SPOCK3: variants seen among roughly 807,000 people sequenced by gnomAD.
SPOCK3 encodes the protein SPARC (osteonectin), cwcv and kazal like domains proteoglycan 3.
Under a neutral mutation model 56.6 loss-of-function variants are expected in SPOCK3, and 30 were observed. The ratio of observed to expected loss-of-function variants is 0.53; its 90% CI spans 0.40 to 0.72. The LOEUF is 0.72. SPOCK3 is among the 30% of genes least tolerant of loss of function. The pLI, the probability that SPOCK3 is intolerant of heterozygous loss-of-function variation, is 0.00. For missense variants in SPOCK3, 527 were observed against 530.0 expected (o/e 0.99, Z 0.06); for synonymous variants, 196 against 183.3 (o/e 1.07, Z -0.56).
At chr4:166,899,610 G>A (rs1006070239) in intron 5 of SPOCK3, among the ~76,000 whole-genome samples, 4 of 147,670 alleles carry the variant, frequency 2.7e-5, no homozygotes, top group African/African-American at 7.5e-5. Context: ...AGGTTAAAGC[G>A]ATTCTCCTGC....
chr4:166,889,247 G>A lies in SPOCK3; in HGVS notation c.475-3C>T. On this transcript the variant is annotated splice_polypyrimidine_tract_variant and splice_region_variant and intron_variant, in intron 5 of 10. Transcript: ENST00000357545. Reference sequence around the variant, plus strand: ...CATGCCTGATATTCTAGTTTGCACTGTATAAAAAGAGAAAAAAAAAGTAAT... The same window carrying A: ...CATGCCTGATATTCTAGTTTGCACTATATAAAAAGAGAAAAAAAAAGTAAT... The A allele has an allele frequency of 6.4e-7, 1 of 1,554,556 alleles. No individual in the cohort carries two copies. Among genetic ancestry groups the A allele is most frequent in the Non-Finnish European group, 8.8e-7 (1 of 1,136,094 alleles).
chr4:166,793,902 G>T (rs1453811283), intron 6 of SPOCK3, among the ~76,000 whole-genome samples: 1 of 152,078 alleles, frequency 6.6e-6, no homozygotes, highest in African/African-American at 2.4e-5. Flanking sequence ...TCCCCAGGAT[G>T]CTAGTACAAT....
intron 2 of SPOCK3, among the ~76,000 whole-genome samples, chr4:167,216,744 TTC>T (rs1422768952): frequency 3.3e-5 from 5 of 152,258 alleles, no homozygotes; most frequent in African/African-American, 1.2e-4. Flanking sequence ...GAACTGTGAA[TTC>T]TCTGAATATT....
chr4:167,065,057 A>AAAAAAAAAAAAAAAAAAAAAAC (rs1755992016), intron 2 of SPOCK3, among the ~76,000 whole-genome samples: 1 of 141,580 alleles, frequency 7.1e-6, no homozygotes, highest in Admixed American at 7.2e-5. Context: ...AAAAAAAAAA[A>AAAAAAAAAAAAAAAAAAAAAAC]AAAGTCAAAC....
intron 7 of SPOCK3, among the ~76,000 whole-genome samples, chr4:166,774,759 A>G (rs1002328518): frequency 6.6e-6 from 1 of 152,142 alleles, no homozygotes; most frequent in African/African-American, 2.4e-5. Context: ...GTTCTGTTGA[A>G]ATCCCTCTCA....
chr4:167,046,450 C>CTTTTTTTTTT (rs67108499), intron 3 of SPOCK3, among the ~76,000 whole-genome samples: 5 of 53,704 alleles, frequency 9.3e-5, no homozygotes, highest in East Asian at 5.4e-4. Context: ...TTCTGATATT[C>CTTTTTTTTTT]TTTTTTTTTT....
chr4:167,135,101 T>C (rs1410191691), intron 2 of SPOCK3, among the ~76,000 whole-genome samples: 3 of 149,908 alleles, frequency 2.0e-5, no homozygotes, highest in Admixed American at 6.7e-5. Flanking sequence ...ATGTGTTTAA[T>C]ATATTAAATA....
intron 6 of SPOCK3, among the ~76,000 whole-genome samples, chr4:166,820,376 T>C (rs899496518): frequency 1.3e-5 from 2 of 152,002 alleles, no homozygotes; most frequent in African/African-American, 4.8e-5. Context: ...ACTGGTATAG[T>C]ACAACAGTAG....
intron 6 of SPOCK3, among the ~76,000 whole-genome samples, chr4:166,886,083 C>A (rs1734171318): frequency 6.6e-6 from 1 of 151,926 alleles, no homozygotes; most frequent in South Asian, 2.1e-4. Flanking sequence ...CTTTCTAATT[C>A]TTAGGATTGC....
At chr4:166,887,981 G>A (rs1165638316) in intron 6 of SPOCK3, among the ~76,000 whole-genome samples, 3 of 151,724 alleles carry the variant, frequency 2.0e-5, no homozygotes, top group Admixed American at 6.6e-5. Flanking sequence ...TTTTCAAATC[G>A]GCTAATTTAT....
intron 3 of SPOCK3, among the ~76,000 whole-genome samples, chr4:167,060,055 G>C (rs551381984): frequency 2.0e-5 from 3 of 151,346 alleles, no homozygotes; most frequent in African/African-American, 7.3e-5. Context: ...AATGCTAAAT[G>C]ACGAGTTAAT....
chr4:167,144,190 A>G (rs1250721465), intron 2 of SPOCK3, among the ~76,000 whole-genome samples: 1 of 151,952 alleles, frequency 6.6e-6, no homozygotes, highest in Non-Finnish European at 1.5e-5. Context: ...TTAAAAGTCT[A>G]TGGAACTATC....
At chr4:167,077,139 C>T (rs1311592816) in intron 2 of SPOCK3, among the ~76,000 whole-genome samples, 2 of 151,766 alleles carry the variant, frequency 1.3e-5, no homozygotes, top group Non-Finnish European at 2.9e-5. Context: ...AGTGACTCTA[C>T]ATAATATATG....
At chr4:167,055,072 T>C (rs574162059) in intron 3 of SPOCK3, among the ~76,000 whole-genome samples, 1 of 152,314 alleles carries the variant, frequency 6.6e-6, no homozygotes, top group South Asian at 2.1e-4. Context: ...ATATTAATAG[T>C]TAAAACAATA....
chr4:167,043,990 C>T (rs560235416), intron 3 of SPOCK3, among the ~76,000 whole-genome samples: 1 of 152,048 alleles, frequency 6.6e-6, no homozygotes, highest in Admixed American at 6.6e-5. Context: ...TTTGATTCTT[C>T]TATCTTCTAA....
chr4:167,036,999 A>T (rs1398662540), intron 3 of SPOCK3, among the ~76,000 whole-genome samples: 2 of 152,144 alleles, frequency 1.3e-5, no homozygotes, highest in African/African-American at 4.8e-5. Flanking sequence ...CTTGACCATT[A>T]TCAAGTGATA....
intron 4 of SPOCK3, among the ~76,000 whole-genome samples, chr4:166,970,753 T>C (rs1372582623): frequency 6.7e-6 from 1 of 148,940 alleles, no homozygotes; most frequent in Non-Finnish European, 1.5e-5. Context: ...AAAAACAGAG[T>C]AACACAGGAC....
At chr4:166,896,935 C>G (rs1735448179) in intron 5 of SPOCK3, among the ~76,000 whole-genome samples, 2 of 152,158 alleles carry the variant, frequency 1.3e-5, no homozygotes, top group African/African-American at 4.8e-5. Context: ...AACTGGGGGG[C>G]CCCTCTGATT....
intron 2 of SPOCK3, among the ~76,000 whole-genome samples, chr4:167,156,358 A>C (rs1406273541): frequency 6.6e-6 from 1 of 152,202 alleles, no homozygotes; most frequent in East Asian, 1.9e-4. Context: ...GCAGTAACTT[A>C]GAACGCTTCC....
Sources: allele counts gnomAD v4.1 joint callset (sites outside exome capture counted in the v4.1 genomes callset), GRCh38; gene constraint gnomAD v4.1.1; transcripts MANE v1.5; gene names NCBI Gene and HGNC (gene_info 2026-07-23, HGNC 2026-07-21).